UBQLN4: variants seen among roughly 807,000 people sequenced by gnomAD.
The protein encoded by UBQLN4 is ubiquilin-4.
A neutral mutation model predicts 60.4 loss-of-function variants in UBQLN4; 11 were observed. The observed-to-expected ratio is 0.18, with a 90% confidence interval of 0.11 to 0.30. UBQLN4 has a LOEUF of 0.30. UBQLN4 is among the 10% of genes least tolerant of loss of function. UBQLN4 has a pLI of 1.00. For missense variants in UBQLN4, 417 were observed against 795.5 expected (o/e 0.52, Z 5.72); for synonymous variants, 258 against 313.1 (o/e 0.82, Z 1.86).
Position 156,036,157 on chromosome 1 carries a change from C to G in UBQLN4, c.*821G>C, listed in dbSNP as rs2102736890. ...AAATTCCATTAGCATCTCTAAGTCT[C>G]TTCTGCCAGCTCGGGCCTGGATTCT... On this transcript the variant is annotated 3_prime_UTR_variant, in exon 11 of 11. Transcript: ENST00000368309. 1 of 985,594 alleles carries G rather than the reference C, an allele frequency of 1.0e-6. No homozygotes were observed. The allele number at this position is 985,594 out of a possible 1,614,324, so 61.1% of individuals were successfully genotyped here. A position where few individuals can be genotyped will look rare whatever the true frequency, so the allele number is the denominator to read the frequency against.
At chr1:156,038,017 C>T (rs1002335340) in intron 10 of UBQLN4, among the ~76,000 whole-genome samples, 1 of 152,216 alleles carries the variant, frequency 6.6e-6, no homozygotes, top group African/African-American at 2.4e-5. Flanking sequence ...GGTGATCCTT[C>T]TCTCTGAGCC....
At position 156,050,569 on chromosome 1, in the gene UBQLN4, A is replaced by G; in HGVS notation, c.479-16T>C. 1 of 1,597,122 alleles carries G rather than the reference A, an allele frequency of 6.3e-7. No homozygotes were observed. Among genetic ancestry groups the G allele is most frequent in the Non-Finnish European group, 8.5e-7 (1 of 1,170,340 alleles). Reference sequence around the variant, plus strand: ...CCAAAGCCAGCTGTGGGAAGGGGGCAGGGTCACAGTCTGCCACAAGAACAG... The same window carrying G: ...CCAAAGCCAGCTGTGGGAAGGGGGCGGGGTCACAGTCTGCCACAAGAACAG... On this transcript the variant is annotated splice_polypyrimidine_tract_variant and intron_variant, in intron 3 of 10. Transcript: ENST00000368309. The surrounding 1 kb of genome is among the most constrained non-coding windows in gnomAD (Gnocchi z 4.6).
At chr1:156,040,406 C>T (rs1683530492) in intron 10 of UBQLN4, among the ~76,000 whole-genome samples, 1 of 150,720 alleles carries the variant, frequency 6.6e-6, no homozygotes, top group South Asian at 2.1e-4. Context: ...AAGCCCTTTC[C>T]AGTGCTCCTT....
In UBQLN4 at chr1:156,041,947, C is replaced by T. The variant is rs750614382; in HGVS notation, c.1391G>A (p.Arg464Gln). 39 of 1,613,990 alleles carry T rather than the reference C, an allele frequency of 2.4e-5. No individual in the cohort carries two copies. Among genetic ancestry groups the T allele is most frequent in the Middle Eastern group, 1.7e-4 (1 of 6,058 alleles). The change falls in exon 9 of 11, where the codon CGA becomes CAA. Residue 464 changes from arginine (R) to glutamine (Q), a missense_variant. Physicochemically the swap from Arg to Gln is conservative, Grantham distance 43. Transcript: ENST00000368309. The part of the protein sequence containing the change: ...PESLSILTNP[R>Q]AMQALLQIQQ... The stretch of plus-strand genomic sequence containing the variant: ...GATCTGCAGCAATGCCTGCATGGCT[C>T]GGGGATTGGTAAGGATGGAGAGTGA...
rs992906213 is a variant in UBQLN4 at position 156,041,674 on chromosome 1, G to A, written c.1467-3C>T. ...GGGATATCCCAAAGGAGCCAAGGCT[G>A]TAGGCAAGAGAGACCAAGAGGTAGG... On this transcript the variant is annotated splice_polypyrimidine_tract_variant and splice_region_variant and intron_variant, in intron 9 of 10. Transcript: ENST00000368309. 8.5e-6 allele frequency: 13 copies of A among 1,523,258 alleles called. No homozygotes were observed. The highest frequency in any genetic ancestry group is 1.4e-5 in the African/African-American group (1 of 71,842). 94.4% of individuals were successfully genotyped at this position (1,523,258 alleles called of 1,614,324 possible). A position where few individuals can be genotyped will look rare whatever the true frequency, so the allele number is the denominator to read the frequency against.
At position 156,051,125 on chromosome 1, in the gene UBQLN4, T is replaced by C; in HGVS notation, c.463A>G (p.Thr155Ala). The change falls in exon 3 of 11, where the codon ACT (threonine) becomes GCT (alanine). Residue 155 changes from threonine to alanine, a missense_variant. Transcript: ENST00000368309. ...GAGGGCTTACAGAGTATGGACGCAG[T>C]AGCACTGGGGGATCCCTCCCCAGCC... ...PGAGEGSPSA[T>A]ASILSGFGGI... 1 of 1,613,482 alleles carries C rather than the reference T, an allele frequency of 6.2e-7. No individual in the cohort carries two copies. The highest frequency in any genetic ancestry group is 8.5e-7 in the Non-Finnish European group (1 of 1,179,720).
chr1:156,037,509 T>C (rs1683439469), intron 10 of UBQLN4, among the ~76,000 whole-genome samples: 1 of 152,056 alleles, frequency 6.6e-6, no homozygotes, highest in Non-Finnish European at 1.5e-5. Flanking sequence ...GGCAGGAGAA[T>C]GGCGTGAATC....
chr1:156,031,469 A>G (rs1019519568), downstream of UBQLN4, among the ~76,000 whole-genome samples: 4 of 152,158 alleles, frequency 2.6e-5, no homozygotes, highest in African/African-American at 9.6e-5. Context: ...TCAAGAGTTC[A>G]CACACAAAAG....
chr1:156,042,978 C>T, intron 6 of UBQLN4, 65 bp from the exon 7 acceptor site: 1 of 1,564,746 alleles, frequency 6.4e-7, no homozygotes, highest in Non-Finnish European at 8.7e-7. Context: ...GAAGGCCTCA[C>T]TTCAATCTAC....
intron 1 of UBQLN4, among the ~76,000 whole-genome samples, chr1:156,053,217 A>G (rs1345459279): frequency 6.6e-6 from 1 of 152,174 alleles, no homozygotes; most frequent in Non-Finnish European, 1.5e-5. Context: ...TCTGAGGCAC[A>G]GAGTAGGCGC....
In UBQLN4 at chr1:156,036,859, G is replaced by C. The variant is rs1290912410; in HGVS notation, c.*119C>G. On this transcript the variant is annotated 3_prime_UTR_variant, in exon 11 of 11. Transcript: ENST00000368309. ...CCCATGCCTCTAAAGTCACCCTGCTGTTTGGAAAGGATGAGGGAGAAGACG... is the reference window on the plus strand; with the variant it reads ...CCCATGCCTCTAAAGTCACCCTGCTCTTTGGAAAGGATGAGGGAGAAGACG... The C allele has an allele frequency of 1.3e-6, 2 of 1,522,700 alleles. No homozygotes were observed. Among genetic ancestry groups the C allele is most frequent in the South Asian group, 1.3e-5 (1 of 75,416 alleles). The allele number at this position is 1,522,700 out of a possible 1,614,324, so 94.3% of individuals were successfully genotyped here.
At chr1:156,052,712 A>ATG (rs1683905678) in intron 1 of UBQLN4, among the ~76,000 whole-genome samples, 1 of 152,182 alleles carries the variant, frequency 6.6e-6, no homozygotes, top group Admixed American at 6.5e-5. Context: ...CTTGACACCA[A>ATG]AGTCCAGGCT....
intron 10 of UBQLN4, 49 bp downstream of exon 10, chr1:156,041,436 C>G (rs748140465): frequency 3.4e-6 from 5 of 1,473,056 alleles, no homozygotes; most frequent in Non-Finnish European, 4.5e-6. Flanking sequence ...TTGAAACCTC[C>G]CAGGATCAAA....
chr1:156,031,499 A>T (rs189923481), downstream of UBQLN4, among the ~76,000 whole-genome samples: 242 of 151,732 alleles, frequency 1.6e-3, no homozygotes, highest in Non-Finnish European at 1.0e-3. Context: ...CCAGTTAGCC[A>T]CTCGATTCTT....
chr1:156,040,430 A>C (rs1572270841), intron 10 of UBQLN4, among the ~76,000 whole-genome samples: 3 of 139,614 alleles, frequency 2.1e-5, no homozygotes, highest in East Asian at 2.2e-4. Context: ...GCTTCTTATC[A>C]CAGTCCACAC....
At chr1:156,051,904 C>T (rs765993695) in intron 1 of UBQLN4, 47 bp from the exon 2 acceptor site, 22 of 1,608,276 alleles carry the variant, frequency 1.4e-5, no homozygotes, top group Non-Finnish European at 1.7e-5. Flanking sequence ...CTGGACTCCC[C>T]CTACCAGGGA....
chr1:156,045,548 GT>G (rs1461611694), intron 5 of UBQLN4, among the ~76,000 whole-genome samples: 1 of 152,188 alleles, frequency 6.6e-6, no homozygotes, highest in Admixed American at 6.5e-5. Context: ...TAATACAACA[GT>G]TCTCAAAGTG....
intron 10 of UBQLN4, among the ~76,000 whole-genome samples, chr1:156,037,367 G>A (rs933115514): frequency 3.3e-5 from 5 of 151,998 alleles, no homozygotes; most frequent in African/African-American, 4.8e-5. Flanking sequence ...AGGCTGAGGC[G>A]GGCGGATCAC....
Position 156,051,588 on chromosome 1 carries a change from AG to A in UBQLN4, c.260+117del. On this transcript the variant is annotated intron_variant, in intron 2 of 10. Coordinates refer to ENST00000368309, the MANE Select transcript of UBQLN4 (RefSeq NM_020131.5). ...CCTAGAGATGAGATCATATTCATCC[AG>A]GAGCTACCTGCCTGGGCCTCAGCTT... 2.8e-6 allele frequency: 4 copies of A among 1,450,158 alleles called. No individual in the cohort carries two copies. In the East Asian group the frequency reaches 9.3e-5, roughly 34 times the overall value. 89.8% of individuals were successfully genotyped at this position (1,450,158 alleles called of 1,614,324 possible). A position where few individuals can be genotyped will look rare whatever the true frequency, so the allele number is the denominator to read the frequency against.
Sources: gnomAD v4.1 joint callset for allele counts (sites outside exome capture counted in the v4.1 genomes callset) on GRCh38, gnomAD v4.1.1 for gene constraint, Gnocchi (gnomAD v3.1) non-coding constraint, MANE v1.5 for transcripts, NCBI Gene and HGNC (gene_info 2026-07-23, HGNC 2026-07-21) for gene names.